The following MALRD1 variants were observed in gnomAD, a reference collection of about 807,000 sequenced individuals.
MALRD1 encodes MAM and LDL receptor class A domain containing 1.
Under a neutral mutation model 242.1 loss-of-function variants are expected in MALRD1, and 247 were observed. That is an observed-to-expected ratio of 1.02 (90% CI 0.92 to 1.13). MALRD1 has a LOEUF of 1.13. Ranked by LOEUF, MALRD1 falls within the 50% of genes most tolerant of loss-of-function variation. MALRD1 has a pLI of 0.00. For synonymous variants in MALRD1, 995 were observed against 866.6 expected (o/e 1.15, Z -2.60); for missense variants, 2,989 against 2,533.1 (o/e 1.18, Z -3.86).
In MALRD1 at chr10:19,215,755, GTAT is replaced by G. The variant is rs1837286244; in HGVS notation, c.2991+6076_2991+6078del. ...AATAATTTAGTATAAATAATAATTAGTATAAACAAATAATTTAGTATAATTAGT... is the reference window on the plus strand; with the variant it reads ...AATAATTTAGTATAAATAATAATTAGAAACAAATAATTTAGTATAATTAGT... On this transcript the variant is annotated intron_variant, in intron 18 of 39. Coordinates refer to ENST00000454679, the MANE Select transcript of MALRD1 (RefSeq NM_001142308.3). Among the ~76,000 whole-genome samples the G allele has an allele frequency of 2.3e-5, 2 of 86,884 alleles. 1 individual carries two copies. The highest frequency in any genetic ancestry group is 5.7e-5 in the Non-Finnish European group (2 of 35,014). 57.0% of individuals were successfully genotyped at this position (86,884 alleles called of 152,430 possible).
intron 28 of MALRD1, among the ~76,000 whole-genome samples, chr10:19,432,055 C>T (rs1233466002): frequency 6.6e-6 from 1 of 152,104 alleles, no homozygotes; most frequent in East Asian, 1.9e-4. Flanking sequence ...CAGCCATCAA[C>T]CACTAAGTGG....
intron 18 of MALRD1, among the ~76,000 whole-genome samples, chr10:19,231,553 T>C (rs1388130249): frequency 8.5e-5 from 13 of 152,182 alleles, no homozygotes; most frequent in Non-Finnish European, 1.2e-4. Flanking sequence ...TTCCCCCTGC[T>C]GTTCTCGTGG....
chr10:19,224,089 G>A (rs1171184820), intron 18 of MALRD1, among the ~76,000 whole-genome samples: 1 of 152,020 alleles, frequency 6.6e-6, no homozygotes, highest in Non-Finnish European at 1.5e-5. Context: ...AGGTCAAATG[G>A]TATTTCTAGT....
chr10:19,343,528 A>T (rs896125828), intron 24 of MALRD1, among the ~76,000 whole-genome samples: 1 of 152,106 alleles, frequency 6.6e-6, no homozygotes, highest in Non-Finnish European at 1.5e-5. Context: ...TCAGGAAGCC[A>T]CTACTTTGTT....
chr10:19,083,931 C>T (rs1367448282), intron 2 of MALRD1, among the ~76,000 whole-genome samples: 2 of 151,896 alleles, frequency 1.3e-5, no homozygotes, highest in African/African-American at 4.8e-5. Context: ...TTTTAAAATT[C>T]ATTTTGTGGG....
intron 26 of MALRD1, among the ~76,000 whole-genome samples, chr10:19,382,268 A>G (rs1845868328): frequency 2.0e-5 from 3 of 152,114 alleles, no homozygotes; most frequent in Non-Finnish European, 4.4e-5. Flanking sequence ...TTTGACATTC[A>G]CAACAGGCCT....
chr10:19,362,372 A>G (rs1426507737), intron 26 of MALRD1, among the ~76,000 whole-genome samples: 1 of 152,146 alleles, frequency 6.6e-6, no homozygotes, highest in Non-Finnish European at 1.5e-5. Flanking sequence ...TGTTCCTCTA[A>G]TGGTAACATA....
intron 1 of MALRD1, among the ~76,000 whole-genome samples, chr10:19,063,546 C>A (rs936236136): frequency 7.9e-5 from 12 of 152,216 alleles, no homozygotes; most frequent in African/African-American, 2.9e-4. Context: ...TAATATTTTT[C>A]TTTCCTTGTG....
At chr10:19,072,912 T>TC (rs869135919) in intron 2 of MALRD1, among the ~76,000 whole-genome samples, 9 of 151,672 alleles carry the variant, frequency 5.9e-5, no homozygotes, top group Non-Finnish European at 8.8e-5. Flanking sequence ...TCACTTACCT[T>TC]CCCCCCCTTT....
intron 5 of MALRD1, among the ~76,000 whole-genome samples, chr10:19,105,838 A>T (rs1399639281): frequency 6.6e-6 from 1 of 151,812 alleles, no homozygotes; most frequent in Non-Finnish European, 1.5e-5. Context: ...AGAAATAGCT[A>T]TTGAGGTTTT....
intron 38 of MALRD1, among the ~76,000 whole-genome samples, chr10:19,703,868 C>G (rs1460479872): frequency 1.3e-5 from 2 of 152,096 alleles, no homozygotes; most frequent in Non-Finnish European, 2.9e-5. Context: ...GCACTCCAGT[C>G]TAGGTGACAG....
At chr10:19,490,305 G>C (rs1264354540) in intron 29 of MALRD1, among the ~76,000 whole-genome samples, 4 of 151,606 alleles carry the variant, frequency 2.6e-5, no homozygotes, top group Non-Finnish European at 4.4e-5. Flanking sequence ...AGGCAATGTT[G>C]GCAACACAAT....
chr10:19,254,929 G>A (rs1416330150), intron 18 of MALRD1, among the ~76,000 whole-genome samples: 3 of 152,030 alleles, frequency 2.0e-5, no homozygotes, highest in Non-Finnish European at 4.4e-5. Flanking sequence ...GTGTTTGTAT[G>A]TGAGGACAAT....
At chr10:19,386,721 T>TACAC (rs10687440) in intron 26 of MALRD1, among the ~76,000 whole-genome samples, 21,590 of 148,894 alleles carry the variant, frequency 0.15, 1,606 homozygotes, top group African/African-American at 0.19. Flanking sequence ...CATATACATA[T>TACAC]ACACACACAC....
chr10:19,587,500 G>C (rs922987171), intron 33 of MALRD1, among the ~76,000 whole-genome samples: 7 of 152,260 alleles, frequency 4.6e-5, no homozygotes, highest in Admixed American at 4.6e-4. Flanking sequence ...AAATCCATCA[G>C]ATTATCCTTG....
intron 32 of MALRD1, among the ~76,000 whole-genome samples, chr10:19,541,304 C>T (rs1834957759): frequency 6.6e-6 from 1 of 152,102 alleles, no homozygotes; most frequent in African/African-American, 2.4e-5. Flanking sequence ...GAGACATATG[C>T]AATTATCCCC....
chr10:19,136,527 T>TATTA (rs1443150362), intron 9 of MALRD1, 47 bp from the exon 10 acceptor site: 1 of 1,096,866 alleles, frequency 9.1e-7, no homozygotes, highest in African/African-American at 1.6e-5. Flanking sequence ...TTTTTTGTCT[T>TATTA]ATTAAGGAGA....
At chr10:19,729,923 G>C (rs1376143490) in intron 38 of MALRD1, among the ~76,000 whole-genome samples, 1 of 151,452 alleles carries the variant, frequency 6.6e-6, no homozygotes, top group Non-Finnish European at 1.5e-5. Context: ...ATTTTCAGTA[G>C]AGACGGGGTT....
intron 1 of MALRD1, among the ~76,000 whole-genome samples, chr10:19,058,178 A>C (rs79540744): frequency 0.01 from 1,599 of 152,302 alleles, 34 homozygotes; most frequent in African/African-American, 0.036. Context: ...GTAAAAGAAA[A>C]CGCCAGAGGA....
Sources: allele counts gnomAD v4.1 joint callset (sites outside exome capture counted in the v4.1 genomes callset), GRCh38; gene constraint gnomAD v4.1.1; transcripts MANE v1.5; gene names NCBI Gene and HGNC (gene_info 2026-07-23, HGNC 2026-07-21).